MYO1H: variants seen among roughly 807,000 people sequenced by gnomAD.
MYO1H encodes myosin IH, also known as unconventional myosin-Ih.
In MYO1H, 118 loss-of-function variants were observed where a neutral mutation model predicts 149.3. The ratio of observed to expected loss-of-function variants is 0.79; its 90% CI spans 0.68 to 0.92. The LOEUF (loss-of-function observed/expected upper bound fraction) is 0.92. MYO1H is among the 40% of genes least tolerant of loss of function. The pLI is 0.00. For missense variants in MYO1H, 1,212 were observed against 1,280.7 expected (o/e 0.95, Z 0.82); for synonymous variants, 447 against 465.2 (o/e 0.96, Z 0.50).
chr12:109,417,883 T>A (rs1870995299), intron 15 of MYO1H, among the ~76,000 whole-genome samples: 1 of 151,932 alleles, frequency 6.6e-6, no homozygotes, highest in African/African-American at 2.4e-5. Context: ...TGGCGCGATC[T>A]CGGCTCACTG....
intron 1 of MYO1H, among the ~76,000 whole-genome samples, chr12:109,366,087 C>T (rs1298002268): frequency 6.6e-6 from 1 of 152,190 alleles, no homozygotes; most frequent in African/African-American, 2.4e-5. Context: ...TCCCTCTTCT[C>T]CCGTCCATGG....
the MYO1H span, among the ~76,000 whole-genome samples, chr12:109,318,972 G>T: frequency 0.069 from 5,243 of 76,180 alleles, 279 homozygotes; most frequent in African/African-American, 0.11. Context: ...TTTTGGTTTT[G>T]TTTTTTTTTT....
At chr12:109,332,542 T>C in the MYO1H span, among the ~76,000 whole-genome samples, 4 of 152,232 alleles carry the variant, frequency 2.6e-5, no homozygotes, top group African/African-American at 9.6e-5. Context: ...GTCATCCATC[T>C]GCAACTGCAT....
In MYO1H at chr12:109,383,021, A is replaced by G. The variant is rs559515895; in HGVS notation, c.13-5662A>G. Among the ~76,000 whole-genome samples, 56 of 152,106 alleles carry G rather than the reference A, an allele frequency of 3.7e-4. No homozygotes were observed. The South Asian group carries it at 4.1e-3, about 11-fold the overall frequency. ...GTGCTCAAATGATGGTGCTTGGGCA[A>G]TAAAGGCTCGGGGGCTATGCAGTGG... On this transcript the variant is annotated intron_variant, in intron 1 of 31. Transcript: ENST00000310903.
chr12:109,332,586 A>G, the MYO1H span, among the ~76,000 whole-genome samples: 3 of 151,736 alleles, frequency 2.0e-5, no homozygotes, highest in South Asian at 6.3e-4. Context: ...TTTCATTTTT[A>G]TTTTCTTAGA....
At chr12:109,379,017 T>C (rs1390146012) in intron 1 of MYO1H, among the ~76,000 whole-genome samples, 5 of 152,214 alleles carry the variant, frequency 3.3e-5, no homozygotes, top group Admixed American at 6.5e-5. Context: ...GTCCTTTGAA[T>C]TGGAAGTTAG....
the MYO1H span, among the ~76,000 whole-genome samples, chr12:109,342,459 T>C: frequency 2.7e-5 from 4 of 149,394 alleles, no homozygotes; most frequent in African/African-American, 9.9e-5. Context: ...TTTTTTTTAA[T>C]GTATATATTC....
intron 1 of MYO1H, among the ~76,000 whole-genome samples, chr12:109,363,612 T>A (rs1868800228): frequency 6.6e-6 from 1 of 152,050 alleles, no homozygotes; most frequent in Admixed American, 6.6e-5. Flanking sequence ...CTTGGGAGGC[T>A]GAGGCAGGAG....
chr12:109,401,180 ATCT>A (rs1566028447), exon 6 of MYO1H: 1 of 1,613,876 alleles, frequency 6.2e-7, no homozygotes, highest in Non-Finnish European at 8.5e-7. Context: ...GAATTTCCAC[ATCT>A]TCTACCAGCT....
chr12:109,380,000 G>C (rs1187996472), intron 1 of MYO1H, among the ~76,000 whole-genome samples: 1 of 151,806 alleles, frequency 6.6e-6, no homozygotes, highest in Admixed American at 6.6e-5. Context: ...CAAAGTGCTG[G>C]GATTACAGGC....
intron 20 of MYO1H, among the ~76,000 whole-genome samples, chr12:109,434,633 G>A (rs560154522): frequency 6.6e-6 from 1 of 152,324 alleles, no homozygotes; most frequent in African/African-American, 2.4e-5. Flanking sequence ...ATCACAAAGT[G>A]GCTGATTTAA....
intron 4 of MYO1H, 145 bp from the exon 5 acceptor site, chr12:109,397,587 C>T: frequency 1.8e-6 from 1 of 552,878 alleles, no homozygotes; most frequent in Non-Finnish European, 3.1e-6. Context: ...TTAGCGATTC[C>T]TTCTTAGAAG....
At chr12:109,421,164 AACAG>A in intron 16 of MYO1H, 137 bp downstream of exon 16, 1 of 612,934 alleles carries the variant, frequency 1.6e-6, no homozygotes, top group East Asian at 2.8e-5. Context: ...TCATGGCCAG[AACAG>A]ACATTCAGGA....
the MYO1H span, among the ~76,000 whole-genome samples, chr12:109,336,823 G>C: frequency 6.6e-6 from 1 of 152,142 alleles, no homozygotes; most frequent in African/African-American, 2.4e-5. Flanking sequence ...GACCAAGCCT[G>C]GGTCACATGC....
At chr12:109,415,580 A>G (rs1870867598) in exon 15 of MYO1H, 1 of 1,606,108 alleles carries the variant, frequency 6.2e-7, no homozygotes, top group African/African-American at 1.3e-5. Flanking sequence ...TGGAGTTCCG[A>G]CTCCTCCACT....
chr12:109,382,593 T>C (rs1869224484), intron 1 of MYO1H, among the ~76,000 whole-genome samples: 1 of 152,102 alleles, frequency 6.6e-6, no homozygotes, highest in African/African-American at 2.4e-5. Context: ...GTGTTGTGAT[T>C]ACATATAGGT....
At chr12:109,404,295 T>C (rs1209090457) in intron 7 of MYO1H, among the ~76,000 whole-genome samples, 1 of 152,098 alleles carries the variant, frequency 6.6e-6, no homozygotes, top group Admixed American at 6.5e-5. Context: ...CTGGCCAACA[T>C]GGTGAAACCC....
upstream of MYO1H, among the ~76,000 whole-genome samples, chr12:109,345,684 C>A (rs2048100622): frequency 6.6e-6 from 1 of 151,726 alleles, no homozygotes; most frequent in African/African-American, 2.4e-5. Context: ...TTTGCAATAG[C>A]CAAAAAGTGG....
At chr12:109,350,886 T>G (rs1289140679) in intron 1 of MYO1H, among the ~76,000 whole-genome samples, 1 of 152,240 alleles carries the variant, frequency 6.6e-6, no homozygotes, top group Non-Finnish European at 1.5e-5. Context: ...CGTTACATCT[T>G]ACATAATTAG....
Sources: allele counts gnomAD v4.1 joint callset (sites outside exome capture counted in the v4.1 genomes callset), GRCh38; gene constraint gnomAD v4.1.1; transcripts MANE v1.5; gene names NCBI Gene and HGNC (gene_info 2026-07-23, HGNC 2026-07-21).